The following SLIT3 variants were observed in gnomAD, a reference collection of about 807,000 sequenced individuals.
SLIT3 encodes slit homolog 3 protein.
Under a neutral mutation model 184.0 loss-of-function variants are expected in SLIT3, and 68 were observed. The ratio of observed to expected loss-of-function variants is 0.37; its 90% CI spans 0.30 to 0.45. The LOEUF (loss-of-function observed/expected upper bound fraction) is 0.45. Among genes scored for constraint, SLIT3 ranks in the 20% least tolerant of loss-of-function variants. The pLI is 1.00. For synonymous variants in SLIT3, 831 were observed against 828.6 expected, an observed-to-expected ratio of 1.00 and a Z score of -0.05; for missense variants, 1,707 against 2,026.0, an observed-to-expected ratio of 0.84 and a Z score of 3.02.
At chr5:169,209,988 T>G (rs1391113026) in intron 3 of SLIT3, among the ~76,000 whole-genome samples, 2 of 152,082 alleles carry the variant, frequency 1.3e-5, no homozygotes, top group African/African-American at 4.8e-5. Flanking sequence ...GTGCCTATTC[T>G]GCATCATACT....
chr5:168,793,012 A>G (rs113123578), intron 10 of SLIT3, among the ~76,000 whole-genome samples: 1 of 152,236 alleles, frequency 6.6e-6, no homozygotes, highest in Admixed American at 6.5e-5. Flanking sequence ...TGAGTTTCAT[A>G]TTTAGACTTG....
intron 4 of SLIT3, among the ~76,000 whole-genome samples, chr5:169,109,447 C>A (rs1463878926): frequency 6.6e-6 from 1 of 152,206 alleles, no homozygotes; most frequent in African/African-American, 2.4e-5. Context: ...CAACCAACAC[C>A]TCGTTTACAG....
chr5:168,763,274 G>A (rs1450909663), intron 14 of SLIT3, among the ~76,000 whole-genome samples: 2 of 152,130 alleles, frequency 1.3e-5, no homozygotes, highest in Admixed American at 6.5e-5. Flanking sequence ...ACGCCTGGCT[G>A]TAAGATTGGG....
At chr5:168,925,822 A>G (rs1222041703) in intron 4 of SLIT3, among the ~76,000 whole-genome samples, 3 of 152,198 alleles carry the variant, frequency 2.0e-5, no homozygotes, top group African/African-American at 7.2e-5. Context: ...ATTTAAAGGC[A>G]GTAACAAGTG....
intron 4 of SLIT3, among the ~76,000 whole-genome samples, chr5:168,998,782 G>A (rs923881122): frequency 3.9e-5 from 6 of 151,990 alleles, no homozygotes; most frequent in Admixed American, 2.6e-4. Flanking sequence ...CTCAAAGTGT[G>A]GTCCCCAGAC....
chr5:169,170,364 G>T (rs1762778525), intron 4 of SLIT3, among the ~76,000 whole-genome samples: 1 of 152,220 alleles, frequency 6.6e-6, no homozygotes, highest in Non-Finnish European at 1.5e-5. Flanking sequence ...AAGGAAGAGA[G>T]AGCCCTGCTA....
At chr5:168,910,482 G>A (rs1317256011) in intron 4 of SLIT3, among the ~76,000 whole-genome samples, 9 of 152,130 alleles carry the variant, frequency 5.9e-5, no homozygotes, top group East Asian at 1.9e-4. Flanking sequence ...GGTGGCTCAC[G>A]CCTGTAATCT....
At chr5:169,129,958 C>T (rs1001135910) in intron 4 of SLIT3, among the ~76,000 whole-genome samples, 1 of 152,134 alleles carries the variant, frequency 6.6e-6, no homozygotes, top group Non-Finnish European at 1.5e-5. Flanking sequence ...GAGCGATTCT[C>T]CTGCCTCAGC....
intron 4 of SLIT3, among the ~76,000 whole-genome samples, chr5:169,040,537 T>C (rs1041815125): frequency 1.3e-5 from 2 of 152,192 alleles, no homozygotes; most frequent in Admixed American, 1.3e-4. Flanking sequence ...CCTTGACAAC[T>C]TAATTTCCTC....
intron 5 of SLIT3, among the ~76,000 whole-genome samples, chr5:168,872,802 G>A (rs189747103): frequency 1.1e-3 from 172 of 151,694 alleles, no homozygotes; most frequent in Middle Eastern, 3.4e-3. Context: ...CACCACACCC[G>A]GCTAATTTTT....
chr5:168,667,242 C>T (rs1465441395), intron 35 of SLIT3, among the ~76,000 whole-genome samples: 2 of 152,160 alleles, frequency 1.3e-5, no homozygotes, highest in Admixed American at 1.3e-4. Context: ...TCCCAATAGT[C>T]TGTCTCTCTT....
intron 4 of SLIT3, among the ~76,000 whole-genome samples, chr5:168,926,582 G>A (rs1175228681): frequency 6.6e-6 from 1 of 152,204 alleles, no homozygotes; most frequent in East Asian, 1.9e-4. Context: ...CTACAATCTG[G>A]ATCTAACCGT....
chr5:168,726,419 A>G, intron 20 of SLIT3, among the ~76,000 whole-genome samples: 1 of 49,948 alleles, frequency 2.0e-5, no homozygotes, highest in Non-Finnish European at 3.9e-5. Context: ...AGGCAGAGGG[A>G]GGCAGGGAGG....
At chr5:169,102,724 C>T (rs2113234166) in intron 4 of SLIT3, among the ~76,000 whole-genome samples, 1 of 152,252 alleles carries the variant, frequency 6.6e-6, no homozygotes, top group East Asian at 1.9e-4. Flanking sequence ...AATTGGCTCA[C>T]ATGATTTTCA....
At chr5:168,838,542 C>T (rs192817698) in intron 6 of SLIT3, among the ~76,000 whole-genome samples, 3 of 152,284 alleles carry the variant, frequency 2.0e-5, no homozygotes, top group Non-Finnish European at 4.4e-5. Flanking sequence ...TCCTCTGGCT[C>T]TGCATCCAGA....
Position 169,300,632 on chromosome 5 carries a change from C to G in SLIT3, c.78G>C (p.Leu26=), listed in dbSNP as rs542059579. Residue 26 remains leucine (L), a synonymous_variant, in exon 1 of 36, where the codon CTG becomes CTC. Coordinates refer to ENST00000519560, the MANE Select transcript of SLIT3 (RefSeq NM_003062.4). This position sits in a 1 kb window ranked among gnomAD's most constrained non-coding sequence, Gnocchi z 4.1. The stretch of plus-strand genomic sequence containing the variant: ...GGCAGGCGACGGCTGGAGGCCCACT[C>G]AGGACGCTCGCCAGCGCCAAGGCCA... ...LALALALASV[L]SGPPAVACPT... 4.0e-6 allele frequency: 6 copies of G among 1,493,316 alleles called. No individual in the cohort carries two copies. In the South Asian group the frequency reaches 6.3e-5, roughly 16 times the overall value. The allele number at this position is 1,493,316 out of a possible 1,614,324, so 92.5% of individuals were successfully genotyped here.
At chr5:168,844,497 T>C in intron 6 of SLIT3, 87 bp downstream of exon 6, 1 of 1,221,970 alleles carries the variant, frequency 8.2e-7, no homozygotes, top group Non-Finnish European at 1.2e-6. Context: ...CTGCACACAC[T>C]CTCCCCCTCT....
intron 4 of SLIT3, among the ~76,000 whole-genome samples, chr5:168,935,358 C>G (rs1353480114): frequency 6.6e-6 from 1 of 152,088 alleles, no homozygotes; most frequent in East Asian, 1.9e-4. Flanking sequence ...CTGGCCACAC[C>G]CCCTCCAGGA....
chr5:169,149,640 T>C (rs192557065), intron 4 of SLIT3, among the ~76,000 whole-genome samples: 2 of 152,318 alleles, frequency 1.3e-5, no homozygotes, highest in African/African-American at 4.8e-5. Flanking sequence ...GTTCCACAGC[T>C]TGAAAGATCA....
Sources: gnomAD v4.1 joint callset for allele counts (sites outside exome capture counted in the v4.1 genomes callset) on GRCh38, gnomAD v4.1.1 for gene constraint, Gnocchi (gnomAD v3.1) non-coding constraint, MANE v1.5 for transcripts, NCBI Gene and HGNC (gene_info 2026-07-23, HGNC 2026-07-21) for gene names.